Variants in EHBP1 observed in about 807,000 individuals in gnomAD.
The protein encoded by EHBP1 is EH domain-binding protein 1.
Under a neutral mutation model 144.0 loss-of-function variants are expected in EHBP1, and 55 were observed. The ratio of observed to expected loss-of-function variants is 0.38; its 90% CI spans 0.31 to 0.48. EHBP1 has a LOEUF of 0.48. Among genes scored for constraint, EHBP1 ranks in the 20% least tolerant of loss-of-function variants. The pLI is 0.98. For missense variants in EHBP1, 1,200 were observed against 1,364.2 expected (o/e 0.88, Z 1.90); for synonymous variants, 469 against 472.7 (o/e 0.99, Z 0.10).
intron 18 of EHBP1, 69 bp from the exon 19 acceptor site, chr2:62,996,574 T>C: frequency 6.3e-7 from 1 of 1,598,284 alleles, no homozygotes. Context: ...CTTTACTAAG[T>C]GTTTGTAGAA....
intron 15 of EHBP1, among the ~76,000 whole-genome samples, chr2:62,986,535 T>C (rs575789305): frequency 6.6e-6 from 1 of 151,382 alleles, no homozygotes; most frequent in South Asian, 2.1e-4. Context: ...CTCCACCTTC[T>C]GGTTTTAAGC....
At chr2:62,792,076 AT>A (rs936235989) in intron 5 of EHBP1, among the ~76,000 whole-genome samples, 1 of 152,062 alleles carries the variant, frequency 6.6e-6, no homozygotes, top group African/African-American at 2.4e-5. Flanking sequence ...ACTTTGTTAT[AT>A]ATAGGTTAAA....
chr2:62,974,043 A>G (rs928456631), intron 14 of EHBP1, among the ~76,000 whole-genome samples: 4 of 152,208 alleles, frequency 2.6e-5, no homozygotes, highest in African/African-American at 9.6e-5. Flanking sequence ...TACTGATAGT[A>G]AACAGGATTT....
chr2:62,917,307 A>G (rs1271957045), intron 10 of EHBP1, among the ~76,000 whole-genome samples: 2 of 152,198 alleles, frequency 1.3e-5, no homozygotes, highest in Admixed American at 6.5e-5. Context: ...ATGAATGAAT[A>G]AATGAATGAA....
intron 10 of EHBP1, among the ~76,000 whole-genome samples, chr2:62,918,378 A>G (rs1048391409): frequency 6.6e-6 from 1 of 152,074 alleles, no homozygotes; most frequent in African/African-American, 2.4e-5. Flanking sequence ...AATTTTGCAT[A>G]TTTTATTTGC....
At chr2:62,773,884 A>AAGAG (rs1558647638) in intron 5 of EHBP1, among the ~76,000 whole-genome samples, 6 of 130,750 alleles carry the variant, frequency 4.6e-5, no homozygotes, top group East Asian at 2.1e-4. Context: ...AAAAAAAAAA[A>AAGAG]AGAGAGAGAG....
At chr2:62,865,330 GGGA>G (rs1321903371) in intron 9 of EHBP1, among the ~76,000 whole-genome samples, 3 of 152,230 alleles carry the variant, frequency 2.0e-5, no homozygotes, top group African/African-American at 7.2e-5. Context: ...AGGTCTGTTG[GGGA>G]GGAGAACAAA....
intron 5 of EHBP1, among the ~76,000 whole-genome samples, chr2:62,802,049 T>C (rs1223331591): frequency 6.6e-6 from 1 of 152,312 alleles, no homozygotes; most frequent in African/African-American, 2.4e-5. Flanking sequence ...GTTTAACCAC[T>C]CTGAACACCT....
At chr2:62,760,164 A>G (rs73934284) in intron 3 of EHBP1, among the ~76,000 whole-genome samples, 2 of 152,314 alleles carry the variant, frequency 1.3e-5, no homozygotes, top group African/African-American at 2.4e-5. Flanking sequence ...AAAAATCTGC[A>G]TGTAAGTGGA....
At chr2:62,861,417 C>T (rs13022535) in intron 8 of EHBP1, among the ~76,000 whole-genome samples, 6 of 150,420 alleles carry the variant, frequency 4.0e-5, no homozygotes, top group Non-Finnish European at 5.9e-5. Context: ...CGTGAGCCAC[C>T]GCGCCCAGCC....
chr2:62,993,399 C>T, intron 16 of EHBP1, 131 bp from the exon 17 acceptor site: 1 of 775,456 alleles, frequency 1.3e-6, no homozygotes, highest in East Asian at 3.1e-5. Context: ...CTTTAAAGTG[C>T]TTTAAAATCC....
At chr2:63,023,160 G>A (rs1436707953) in intron 19 of EHBP1, among the ~76,000 whole-genome samples, 2 of 152,112 alleles carry the variant, frequency 1.3e-5, no homozygotes, top group African/African-American at 4.8e-5. Context: ...GGACAACATA[G>A]CAAGACTCTG....
intron 7 of EHBP1, among the ~76,000 whole-genome samples, chr2:62,854,822 C>T (rs1325907535): frequency 6.6e-6 from 1 of 152,158 alleles, no homozygotes; most frequent in Non-Finnish European, 1.5e-5. Context: ...GTGGCTGAGG[C>T]CACACACTCC....
At chr2:62,860,975 A>G (rs1558809720) in intron 8 of EHBP1, among the ~76,000 whole-genome samples, 2 of 151,818 alleles carry the variant, frequency 1.3e-5, no homozygotes, top group African/African-American at 2.4e-5. Flanking sequence ...AAATATTTTT[A>G]TAGAAATAAT....
intron 10 of EHBP1, among the ~76,000 whole-genome samples, chr2:62,911,423 AT>A (rs908521880): frequency 7.9e-5 from 12 of 151,940 alleles, no homozygotes; most frequent in Non-Finnish European, 1.8e-4. Flanking sequence ...TTTCTTGGTT[AT>A]TTTTTTAACT....
intron 2 of EHBP1, among the ~76,000 whole-genome samples, chr2:62,709,253 T>C (rs2034894300): frequency 6.6e-6 from 1 of 151,990 alleles, no homozygotes. Flanking sequence ...GTCATTTCAG[T>C]TGGGGATCTG....
At chr2:62,988,765 T>C (rs2059296992) in intron 15 of EHBP1, among the ~76,000 whole-genome samples, 1 of 152,150 alleles carries the variant, frequency 6.6e-6, no homozygotes, top group Non-Finnish European at 1.5e-5. Context: ...TGAATTCTTA[T>C]GGCAATAAAA....
intron 21 of EHBP1, among the ~76,000 whole-genome samples, chr2:63,039,846 T>A (rs1248205708): frequency 6.6e-6 from 1 of 152,172 alleles, no homozygotes; most frequent in East Asian, 1.9e-4. Flanking sequence ...TTGATAAATA[T>A]CACTGGCAAC....
At position 62,764,307 on chromosome 2, in the gene EHBP1, T is replaced by G; in HGVS notation, c.204T>G (p.Gly68=). The change falls in exon 4 of 23, where the codon GGT becomes GGG. Residue 68 remains glycine (G), a synonymous_variant. Coordinates refer to ENST00000431489, the MANE Select transcript of EHBP1 (RefSeq NM_001142616.3). ...CTGGAATAAAAAATCCCTATCGTGG[T>G]GTTGTTGTGTGGCCTGTTCCTGAAA... ...WQPGIKNPYR[G]VVVWPVPENI... is the part of the protein sequence containing the mutation. 1 of 1,584,092 alleles carries G rather than the reference T, an allele frequency of 6.3e-7. No homozygotes were observed. The highest frequency in any genetic ancestry group is 8.6e-7 in the Non-Finnish European group (1 of 1,167,362).
Sources: allele counts gnomAD v4.1 joint callset (sites outside exome capture counted in the v4.1 genomes callset), GRCh38; gene constraint gnomAD v4.1.1; transcripts MANE v1.5; gene names NCBI Gene and HGNC (gene_info 2026-07-23, HGNC 2026-07-21).